Variants in SAMSN1 observed in about 807,000 individuals in gnomAD.
The protein encoded by SAMSN1 is SAM domain-containing protein SAMSN-1.
In SAMSN1, 31 loss-of-function variants were observed where a neutral mutation model predicts 42.0. The ratio of observed to expected loss-of-function variants is 0.74; its 90% CI spans 0.55 to 1.00. The LOEUF is 1.00. SAMSN1 is among the 50% of genes least tolerant of loss of function. SAMSN1 has a pLI of 0.00. For synonymous variants in SAMSN1, 178 were observed against 151.9 expected, an observed-to-expected ratio of 1.17 and a Z score of -1.26; for missense variants, 464 against 439.4, an observed-to-expected ratio of 1.06 and a Z score of -0.50.
intron 1 of SAMSN1, among the ~76,000 whole-genome samples, chr21:14,533,022 C>T (rs893826003): frequency 1.3e-5 from 2 of 152,062 alleles, no homozygotes; most frequent in Admixed American, 1.3e-4. Context: ...CCAGCAATCT[C>T]CTGCTTCAGC....
intron 4 of SAMSN1, 97 bp downstream of exon 4, chr21:14,512,347 G>C: frequency 7.9e-7 from 1 of 1,258,178 alleles, no homozygotes; most frequent in East Asian, 2.3e-5. Context: ...CTCTTATCAA[G>C]TAGCTGGAAC....
intron 2 of SAMSN1, among the ~76,000 whole-genome samples, chr21:14,631,529 G>A (rs1392371197): frequency 1.3e-5 from 2 of 151,946 alleles, no homozygotes; most frequent in African/African-American, 2.4e-5. Flanking sequence ...CACCACACCC[G>A]GCAATTTTTT....
intron 1 of SAMSN1, among the ~76,000 whole-genome samples, chr21:14,646,057 C>T (rs180976317): frequency 6.6e-6 from 1 of 152,120 alleles, no homozygotes; most frequent in African/African-American, 2.4e-5. Flanking sequence ...AGTTATTGGC[C>T]TTAAAGAGGA....
intron 2 of SAMSN1, among the ~76,000 whole-genome samples, chr21:14,640,486 T>C (rs1191170915): frequency 6.6e-6 from 1 of 152,070 alleles, no homozygotes; most frequent in Non-Finnish European, 1.5e-5. Flanking sequence ...TTTTTTCTGG[T>C]ACTGTTAAGT....
intron 7 of SAMSN1, among the ~76,000 whole-genome samples, chr21:14,497,643 G>T (rs1489299250): frequency 2.6e-5 from 4 of 152,080 alleles, no homozygotes; most frequent in Admixed American, 2.6e-4. Flanking sequence ...AGTATTTTTT[G>T]ATAGAGAAGG....
At chr21:14,609,459 G>A (rs1297980195) in intron 5 of SAMSN1, 12 of 717,286 alleles carry the variant, frequency 1.7e-5, no homozygotes, top group Non-Finnish European at 3.1e-5. Flanking sequence ...TGCAAAGTCA[G>A]CTGAACTAAA....
intron 7 of SAMSN1, among the ~76,000 whole-genome samples, chr21:14,494,809 T>C (rs1227137406): frequency 1.3e-5 from 2 of 152,184 alleles, no homozygotes; most frequent in African/African-American, 2.4e-5. Context: ...AATTCTTGCT[T>C]TAAATCTTAG....
At chr21:14,591,968 C>T (rs1028440145) in intron 7 of SAMSN1, 4 of 152,212 alleles carry the variant, frequency 2.6e-5, no homozygotes, top group Non-Finnish European at 5.9e-5. Flanking sequence ...CATTTCTCCA[C>T]TTCTGCAGGG....
At chr21:14,610,328 C>A (rs1181590445) in intron 4 of SAMSN1, among the ~76,000 whole-genome samples, 1 of 152,108 alleles carries the variant, frequency 6.6e-6, no homozygotes, top group Non-Finnish European at 1.5e-5. Context: ...ATGAAACATG[C>A]CCTAGTCTCC....
chr21:14,623,128 A>G lies in SAMSN1; in HGVS notation c.157-7112T>C, dbSNP rs565733726. On this transcript the variant is annotated intron_variant, in intron 2 of 15. Transcript: ENST00000647101. ...AAGAGCTCCTAAGGAAGCACTAAACATGGAAAGGAACAACCAGTACCAGCC... is the reference window on the plus strand; with the variant it reads ...AAGAGCTCCTAAGGAAGCACTAAACGTGGAAAGGAACAACCAGTACCAGCC... Among the ~76,000 whole-genome samples the G allele has an allele frequency of 4.6e-5, 7 of 152,338 alleles. No homozygotes were observed. The South Asian group carries it at 8.3e-4, about 18-fold the overall frequency.
At chr21:14,595,147 A>T (rs1982221362) in intron 6 of SAMSN1, among the ~76,000 whole-genome samples, 1 of 152,184 alleles carries the variant, frequency 6.6e-6, no homozygotes, top group Admixed American at 6.5e-5. Flanking sequence ...CAATCCCATG[A>T]TCTAATCACC....
chr21:14,486,218 TG>T (rs1276817808), intron 7 of SAMSN1, 104 bp from the exon 8 acceptor site: 2 of 758,762 alleles, frequency 2.6e-6, no homozygotes, highest in African/African-American at 3.5e-5. Flanking sequence ...GTTCTAACCA[TG>T]ACTTCATTAC....
chr21:14,500,508 A>G, intron 6 of SAMSN1, 21 bp downstream of exon 6: 1 of 1,608,016 alleles, frequency 6.2e-7, no homozygotes, highest in Middle Eastern at 1.7e-4. Flanking sequence ...CCAAAAGCAA[A>G]CAGAACACAG....
At chr21:14,508,895 T>C (rs1398091260) in intron 5 of SAMSN1, among the ~76,000 whole-genome samples, 3 of 152,032 alleles carry the variant, frequency 2.0e-5, no homozygotes, top group Admixed American at 6.6e-5. Context: ...TTTGGGAGGC[T>C]GAGGTGGGTG....
intron 1 of SAMSN1, among the ~76,000 whole-genome samples, chr21:14,543,549 A>G (rs1486490903): frequency 2.0e-5 from 3 of 152,150 alleles, no homozygotes; most frequent in Non-Finnish European, 2.9e-5. Context: ...TGTAAGACCT[A>G]TTTGAAAATA....
intron 2 of SAMSN1, among the ~76,000 whole-genome samples, chr21:14,565,355 A>G (rs182313892): frequency 2.0e-5 from 3 of 152,036 alleles, no homozygotes; most frequent in Admixed American, 6.6e-5. Context: ...CAGGGAAAAT[A>G]TCTTCAATGA....
chr21:14,548,332 A>G (rs1431349285), upstream of SAMSN1, among the ~76,000 whole-genome samples: 1 of 152,138 alleles, frequency 6.6e-6, no homozygotes, highest in Non-Finnish European at 1.5e-5. Flanking sequence ...AATGTTTGTG[A>G]ACTCTAAAAA....
upstream of SAMSN1, among the ~76,000 whole-genome samples, chr21:14,586,188 G>A (rs1434081911): frequency 1.3e-5 from 2 of 148,874 alleles, no homozygotes; most frequent in East Asian, 2.0e-4. Flanking sequence ...GCTTGAACCC[G>A]GGAGGCAGAG....
intron 2 of SAMSN1, among the ~76,000 whole-genome samples, chr21:14,641,138 A>G (rs1983588903): frequency 6.6e-6 from 1 of 152,166 alleles, no homozygotes; most frequent in Admixed American, 6.6e-5. Context: ...TGAATGGTTT[A>G]TATCTCTCAC....
Sources: gnomAD v4.1 joint callset for allele counts (sites outside exome capture counted in the v4.1 genomes callset) on GRCh38, gnomAD v4.1.1 for gene constraint, MANE v1.5 for transcripts, NCBI Gene and HGNC (gene_info 2026-07-23, HGNC 2026-07-21) for gene names.